The following RGS8 variants were observed in gnomAD, a reference collection of about 807,000 sequenced individuals.
RGS8 encodes regulator of G-protein signaling 8.
RGS8 carries 8 observed loss-of-function variants against 21.7 expected under a neutral mutation model. The observed-to-expected ratio is 0.37, with a 90% CI of 0.22 to 0.66. The LOEUF (loss-of-function observed/expected upper bound fraction) is 0.66, where lower values mean the gene tolerates loss of function less well. Among genes scored for constraint, RGS8 ranks in the 30% least tolerant of loss-of-function variants. The probability of loss-of-function intolerance (pLI) is 0.59; values close to 1 mark genes in which losing one functional copy is unlikely to be tolerated. For missense variants in RGS8, 157 were observed against 217.9 expected (o/e 0.72, Z 1.76); for synonymous variants, 80 against 83.6 (o/e 0.96, Z 0.24).
upstream of RGS8, among the ~76,000 whole-genome samples, chr1:182,672,512 C>T (rs140028622): frequency 6.6e-6 from 1 of 152,116 alleles, no homozygotes; most frequent in Non-Finnish European, 1.5e-5. Context: ...TCTACAGAGG[C>T]ATTTCTCCCC....
At chr1:182,717,190 A>G in the RGS8 span, among the ~76,000 whole-genome samples, 1 of 152,186 alleles carries the variant, frequency 6.6e-6, no homozygotes, top group African/African-American at 2.4e-5. Flanking sequence ...TATGCAAATG[A>G]CCTGCTGCAT....
chr1:182,702,300 A>G, the RGS8 span, among the ~76,000 whole-genome samples: 1 of 152,216 alleles, frequency 6.6e-6, no homozygotes. Flanking sequence ...AAGCGAATTA[A>G]CCCAGGAACA....
the RGS8 span, among the ~76,000 whole-genome samples, chr1:182,740,889 A>G: frequency 6.6e-6 from 1 of 152,204 alleles, no homozygotes; most frequent in Non-Finnish European, 1.5e-5. Flanking sequence ...ACCTATCAAC[A>G]GGATCCCAAG....
chr1:182,695,483 G>A, the RGS8 span, among the ~76,000 whole-genome samples: 5,485 of 152,062 alleles, frequency 0.036, 130 homozygotes, highest in Admixed American at 0.045. Context: ...TAAAACTATC[G>A]CAATCACTTA....
intron 1 of RGS8, among the ~76,000 whole-genome samples, chr1:182,683,271 A>G (rs963626270): frequency 3.9e-5 from 6 of 152,222 alleles, no homozygotes; most frequent in Non-Finnish European, 8.8e-5. Context: ...CATTCTCAAA[A>G]TAATAACAGC....
chr1:182,731,541 G>A, the RGS8 span, among the ~76,000 whole-genome samples: 1 of 152,146 alleles, frequency 6.6e-6, no homozygotes, highest in Admixed American at 6.5e-5. Context: ...AATCACTGCT[G>A]AAAAAATCCT....
At chr1:182,647,034 T>G in intron 6 of RGS8, 117 bp from the exon 8 acceptor site, 1 of 913,610 alleles carries the variant, frequency 1.1e-6, no homozygotes, top group South Asian at 1.7e-5. Flanking sequence ...AGGTGATTTC[T>G]GCTTTTCAAA....
chr1:182,677,070 C>CA (rs1044862846), upstream of RGS8, among the ~76,000 whole-genome samples: 18 of 150,576 alleles, frequency 1.2e-4, no homozygotes, highest in East Asian at 9.7e-4. Context: ...ATGAAAAAAA[C>CA]AAAAAAAAAG....
intron 5 of RGS8, among the ~76,000 whole-genome samples, chr1:182,655,119 A>G (rs1663206311): frequency 6.6e-6 from 1 of 152,234 alleles, no homozygotes; most frequent in Non-Finnish European, 1.5e-5. Flanking sequence ...AGAAAAAAAC[A>G]AAGCTTAGAG....
chr1:182,730,382 C>G, the RGS8 span, among the ~76,000 whole-genome samples: 1 of 152,062 alleles, frequency 6.6e-6, no homozygotes, highest in Non-Finnish European at 1.5e-5. Flanking sequence ...AGGCAATCAC[C>G]TTTTCTAGCA....
At chr1:182,739,822 A>T in the RGS8 span, among the ~76,000 whole-genome samples, 2 of 152,132 alleles carry the variant, frequency 1.3e-5, no homozygotes, top group African/African-American at 4.8e-5. Context: ...ACAGGCAGCA[A>T]CACAGCAGCA....
At chr1:182,749,175 G>A in the RGS8 span, among the ~76,000 whole-genome samples, 2 of 152,204 alleles carry the variant, frequency 1.3e-5, no homozygotes, top group Non-Finnish European at 2.9e-5. Flanking sequence ...CCAGACCAGT[G>A]TTATGAAATG....
intron 5 of RGS8, among the ~76,000 whole-genome samples, chr1:182,651,241 T>C (rs2102410767): frequency 6.6e-6 from 1 of 152,350 alleles, no homozygotes; most frequent in South Asian, 2.1e-4. Flanking sequence ...GCTTCTGAAC[T>C]TATGATGGAG....
At chr1:182,721,040 C>CAT in the RGS8 span, among the ~76,000 whole-genome samples, 1,040 of 72,830 alleles carry the variant, frequency 0.014, 134 homozygotes, top group South Asian at 0.087. Context: ...TGTATATATA[C>CAT]ATATACATAC....
chr1:182,673,035 G>C, upstream of RGS8: 2 of 613,422 alleles, frequency 3.3e-6, no homozygotes, highest in South Asian at 3.9e-5. Context: ...TGTGATGCAT[G>C]CTAAAGTTTG....
chr1:182,733,751 C>T, the RGS8 span: 1 of 152,182 alleles, frequency 6.6e-6, no homozygotes, highest in African/African-American at 2.4e-5. Context: ...TGTTCATCTA[C>T]ACTGTCCAAT....
At chr1:182,700,578 C>T in the RGS8 span, among the ~76,000 whole-genome samples, 13 of 152,296 alleles carry the variant, frequency 8.5e-5, no homozygotes, top group South Asian at 2.5e-3. Flanking sequence ...GTGCATCTTC[C>T]GTCTTCTAAT....
At chr1:182,690,945 G>A in the RGS8 span, among the ~76,000 whole-genome samples, 1 of 152,196 alleles carries the variant, frequency 6.6e-6, no homozygotes, top group Non-Finnish European at 1.5e-5. Flanking sequence ...TTGGAATACT[G>A]TAGCTTCCTC....
Position 182,664,666 on chromosome 1 carries a change from C to T in RGS8, c.193+1303G>A, listed in dbSNP as rs75065544. 7.6e-3 allele frequency among the ~76,000 whole-genome samples: 1,162 copies of T among 152,280 alleles called. 19 individuals carry two copies. The highest frequency in any genetic ancestry group is 0.027 in the African/African-American group (1,118 of 41,534). ...ACATTTGTCATTACCTTGGCAAATT[C>T]ATCACATAAGCTTGCTGTTTGGGGT... On this transcript the variant is annotated intron_variant, in intron 5 of 6. Coordinates refer to ENST00000483095, the Ensembl canonical transcript of RGS8.
Sources: allele counts gnomAD v4.1 joint callset (sites outside exome capture counted in the v4.1 genomes callset), GRCh38; gene constraint gnomAD v4.1.1; transcripts MANE v1.5; gene names NCBI Gene and HGNC (gene_info 2026-07-23, HGNC 2026-07-21).